Variants in NOS1AP observed in about 807,000 individuals in gnomAD.
NOS1AP encodes nitric oxide synthase 1 adaptor protein.
NOS1AP carries 21 observed loss-of-function variants against 56.2 expected under a neutral mutation model. That is an observed-to-expected ratio of 0.37 (90% CI 0.26 to 0.54). NOS1AP has a LOEUF of 0.54. Ranked by LOEUF, NOS1AP falls within the 20% of genes least tolerant of loss-of-function variation. NOS1AP has a pLI of 0.84. For synonymous variants in NOS1AP, 270 were observed against 274.6 expected (o/e 0.98, Z 0.17); for missense variants, 522 against 657.8 (o/e 0.79, Z 2.26).
intron 1 of NOS1AP, among the ~76,000 whole-genome samples, chr1:162,092,414 C>T (rs1571003148): frequency 6.6e-6 from 1 of 152,176 alleles, no homozygotes; most frequent in African/African-American, 2.4e-5. Flanking sequence ...CTTCGTCAGT[C>T]CTGTTGAACT....
At chr1:162,177,580 A>G (rs753029130) in intron 2 of NOS1AP, among the ~76,000 whole-genome samples, 1 of 152,126 alleles carries the variant, frequency 6.6e-6, no homozygotes, top group Non-Finnish European at 1.5e-5. Context: ...CTGTAGTTAT[A>G]TACTGAGTTT....
At chr1:162,212,471 C>T (rs888285222) in intron 2 of NOS1AP, among the ~76,000 whole-genome samples, 1 of 152,158 alleles carries the variant, frequency 6.6e-6, no homozygotes, top group Non-Finnish European at 1.5e-5. Flanking sequence ...CACATTGACA[C>T]TCAAGGATGG....
rs561423695 is a variant in NOS1AP, at chr1:162,203,753, C to T, written c.177+49277C>T. Among the ~76,000 whole-genome samples, 3 of 152,288 alleles carry T rather than the reference C, an allele frequency of 2.0e-5. No individual in the cohort carries two copies. The South Asian group carries it at 6.2e-4, about 32-fold the overall frequency. On this transcript the variant is annotated intron_variant, in intron 2 of 9. Coordinates refer to ENST00000361897, the MANE Select transcript of NOS1AP (RefSeq NM_014697.3). ...TGTTTTAAATGTTGGGCACCTAGGGCATAAAAGCAAGCTCCACCTTGCTTC... is the reference window on the plus strand; with the variant it reads ...TGTTTTAAATGTTGGGCACCTAGGGTATAAAAGCAAGCTCCACCTTGCTTC...
intron 2 of NOS1AP, among the ~76,000 whole-genome samples, chr1:162,257,698 T>C (rs1017648613): frequency 6.0e-5 from 9 of 151,092 alleles, no homozygotes; most frequent in African/African-American, 2.2e-4. Flanking sequence ...GGTACACATG[T>C]AAACACTGTC....
chr1:162,296,773 A>G (rs1443084787), intron 3 of NOS1AP, among the ~76,000 whole-genome samples: 1 of 152,220 alleles, frequency 6.6e-6, no homozygotes, highest in Non-Finnish European at 1.5e-5. Flanking sequence ...AGTCTTGCCC[A>G]GCTTAGCTTT....
At chr1:162,290,692 G>T (rs1393017918) in intron 3 of NOS1AP, among the ~76,000 whole-genome samples, 1 of 152,154 alleles carries the variant, frequency 6.6e-6, no homozygotes, top group African/African-American at 2.4e-5. Flanking sequence ...GTTGGTGCTT[G>T]TGCCAGGCTA....
At chr1:162,274,383 T>C (rs761778374) in intron 2 of NOS1AP, among the ~76,000 whole-genome samples, 7 of 152,186 alleles carry the variant, frequency 4.6e-5, no homozygotes, top group Non-Finnish European at 7.4e-5. Flanking sequence ...GATAACCGCC[T>C]GTAAAAAGCA....
chr1:162,228,841 C>G (rs1288639271), intron 2 of NOS1AP, among the ~76,000 whole-genome samples: 2 of 152,004 alleles, frequency 1.3e-5, no homozygotes, highest in African/African-American at 4.8e-5. Context: ...ATGGTAAAAC[C>G]AAATGATGGT....
At chr1:162,324,002 A>G (rs1303578551) in intron 4 of NOS1AP, among the ~76,000 whole-genome samples, 2 of 152,246 alleles carry the variant, frequency 1.3e-5, no homozygotes, top group Non-Finnish European at 1.5e-5. Flanking sequence ...CTTGAAAGCA[A>G]GAGGATAAAC....
chr1:162,228,471 G>A (rs988685785), intron 2 of NOS1AP, among the ~76,000 whole-genome samples: 17 of 152,192 alleles, frequency 1.1e-4, no homozygotes, highest in African/African-American at 3.9e-4. Context: ...TGGCAGCAAA[G>A]AAGCTAAATT....
chr1:162,294,224 G>GAAGGAAGGAAGGAAGGAAGA (rs1297513880), intron 3 of NOS1AP, among the ~76,000 whole-genome samples: 33 of 149,846 alleles, frequency 2.2e-4, no homozygotes, highest in African/African-American at 7.9e-4. Flanking sequence ...AGGAAGGAAG[G>GAAGGAAGGAAGGAAGGAAGA]AAGAAAGAAA....
intron 1 of NOS1AP, among the ~76,000 whole-genome samples, chr1:162,078,021 C>T (rs1169607573): frequency 6.6e-6 from 1 of 152,162 alleles, no homozygotes; most frequent in Non-Finnish European, 1.5e-5. Flanking sequence ...CTGTGGAATG[C>T]CTCATTGGGC....
chr1:162,346,706 A>G (rs545180783), intron 6 of NOS1AP, among the ~76,000 whole-genome samples: 1 of 152,238 alleles, frequency 6.6e-6, no homozygotes, highest in Non-Finnish European at 1.5e-5. Context: ...GATATATATT[A>G]GTTATAAATC....
chr1:162,113,290 G>A (rs930771154), intron 1 of NOS1AP, among the ~76,000 whole-genome samples: 1 of 152,150 alleles, frequency 6.6e-6, no homozygotes, highest in Non-Finnish European at 1.5e-5. Flanking sequence ...AGGCAGTCCA[G>A]GCATGACTTG....
chr1:162,347,406 C>A (rs74928819), intron 6 of NOS1AP, among the ~76,000 whole-genome samples: 2,291 of 152,258 alleles, frequency 0.015, 35 homozygotes, highest in East Asian at 0.065. Context: ...AGCGGTTGGA[C>A]GCAGAGAGGA....
chr1:162,356,180 T>C (rs1332272732), intron 7 of NOS1AP, among the ~76,000 whole-genome samples: 2 of 152,218 alleles, frequency 1.3e-5, no homozygotes, highest in African/African-American at 4.8e-5. Flanking sequence ...CCTGTGTCAC[T>C]GGGGGCCTTC....
At chr1:162,186,657 C>T (rs2102150962) in intron 2 of NOS1AP, among the ~76,000 whole-genome samples, 1 of 152,264 alleles carries the variant, frequency 6.6e-6, no homozygotes, top group South Asian at 2.1e-4. Flanking sequence ...GAGTCAAGTT[C>T]ACTCTCTTGG....
Position 162,091,763 on chromosome 1 carries a change from A to G in NOS1AP, c.105+21481A>G, listed in dbSNP as rs186111705. Among the ~76,000 whole-genome samples, 11 of 152,242 alleles carry G rather than the reference A, an allele frequency of 7.2e-5. No homozygotes were observed. In the East Asian group the frequency reaches 2.1e-3, roughly 29 times the overall value. On this transcript the variant is annotated intron_variant, in intron 1 of 9. Transcript: ENST00000361897. ...ACAAGTTTCCTCCTCCCACTCCTCA[A>G]AGAGAGAGGGCACTTTACACAGCCC...
chr1:162,269,580 T>C (rs1199957268), intron 2 of NOS1AP, among the ~76,000 whole-genome samples: 2 of 152,240 alleles, frequency 1.3e-5, no homozygotes, highest in African/African-American at 2.4e-5. Context: ...AGTTCATTTT[T>C]GCCTGGAGAA....
Sources: allele counts gnomAD v4.1 joint callset (sites outside exome capture counted in the v4.1 genomes callset), GRCh38; gene constraint gnomAD v4.1.1; transcripts MANE v1.5; gene names NCBI Gene and HGNC (gene_info 2026-07-23, HGNC 2026-07-21).